SLC2A7: variants seen among roughly 807,000 people sequenced by gnomAD.
SLC2A7 encodes solute carrier family 2, facilitated glucose transporter member 7.
SLC2A7 carries 50 observed loss-of-function variants against 50.5 expected under a neutral mutation model. The ratio of observed to expected loss-of-function variants is 0.99; its 90% CI spans 0.79 to 1.25. The LOEUF (loss-of-function observed/expected upper bound fraction) is 1.25. Among genes scored for constraint, SLC2A7 ranks in the 50% most tolerant of loss-of-function variants. The pLI is 0.00. For synonymous variants in SLC2A7, 308 were observed against 300.4 expected, an observed-to-expected ratio of 1.03 and a Z score of -0.26; for missense variants, 683 against 679.1, an observed-to-expected ratio of 1.01 and a Z score of -0.06.
chr1:9,001,038 T>A (rs1557644236), downstream of SLC2A7, among the ~76,000 whole-genome samples: 1 of 152,010 alleles, frequency 6.6e-6, no homozygotes, highest in Non-Finnish European at 1.5e-5. Flanking sequence ...TAGCTGTCAT[T>A]GTTTTAAGCC....
the SLC2A7 span, among the ~76,000 whole-genome samples, chr1:8,993,859 T>C: frequency 6.6e-6 from 1 of 152,108 alleles, no homozygotes; most frequent in Non-Finnish European, 1.5e-5. Context: ...AATCTTCTGA[T>C]CTTGTGATCC....
chr1:9,021,051 C>T (rs888153716), intron 3 of SLC2A7, among the ~76,000 whole-genome samples: 4 of 152,174 alleles, frequency 2.6e-5, no homozygotes, highest in Non-Finnish European at 5.9e-5. Context: ...TGCCTAGTCT[C>T]GGGTATGTCT....
chr1:8,994,032 T>G, the SLC2A7 span, among the ~76,000 whole-genome samples: 1 of 152,266 alleles, frequency 6.6e-6, no homozygotes, highest in African/African-American at 2.4e-5. Flanking sequence ...TAATAGATAC[T>G]GAATTTTCAA....
chr1:9,023,556 G>A (rs12728381), intron 2 of SLC2A7, among the ~76,000 whole-genome samples: 11 of 151,888 alleles, frequency 7.2e-5, no homozygotes, highest in Non-Finnish European at 1.2e-4. Flanking sequence ...GCAGTGAGCC[G>A]AGATTGCGGC....
the SLC2A7 span, among the ~76,000 whole-genome samples, chr1:8,993,794 CT>C: frequency 2.0e-5 from 3 of 151,238 alleles, no homozygotes; most frequent in Admixed American, 6.6e-5. Flanking sequence ...TGCCCGGCTA[CT>C]TTTTTTTTAT....
Position 9,010,191 on chromosome 1 carries a change from G to T in SLC2A7, c.1068C>A (p.Gly356=). ...GCACCAGGCAGGCAGAGCCGCAGAT[G>T]CCGTAGCCGGCCAGCAGGAGGTGCC... The part of the protein sequence containing the change: ...GRRHLLLAGY[G]ICGSACLVLT... Residue 356 remains glycine, a synonymous_variant, in exon 9 of 12, where the codon GGC becomes GGA. Transcript: ENST00000400906. 6.4e-7 allele frequency: 1 copy of T among 1,550,874 alleles called. No homozygotes were observed. Among genetic ancestry groups the T allele is most frequent in the Non-Finnish European group, 8.7e-7 (1 of 1,146,588 alleles).
At chr1:9,015,652 A>C (rs908275975) in intron 5 of SLC2A7, among the ~76,000 whole-genome samples, 1 of 151,354 alleles carries the variant, frequency 6.6e-6, no homozygotes. Context: ...AGGGGAACTG[A>C]GATTCCACTA....
At chr1:8,994,290 G>A in the SLC2A7 span, among the ~76,000 whole-genome samples, 4 of 152,216 alleles carry the variant, frequency 2.6e-5, no homozygotes, top group East Asian at 3.9e-4. Context: ...GTGGAGTCAC[G>A]TCTTTGGAGC....
intron 2 of SLC2A7, among the ~76,000 whole-genome samples, chr1:9,024,367 G>T (rs905408517): frequency 1.3e-5 from 2 of 152,102 alleles, no homozygotes; most frequent in Non-Finnish European, 2.9e-5. Flanking sequence ...GTATATATAC[G>T]TAATACACAA....
At chr1:9,003,828 AG>A (rs1339416892) in intron 11 of SLC2A7, among the ~76,000 whole-genome samples, 4 of 152,204 alleles carry the variant, frequency 2.6e-5, no homozygotes, top group African/African-American at 9.6e-5. Flanking sequence ...ACTGCACTCC[AG>A]CCTGGGCAAC....
downstream of SLC2A7, among the ~76,000 whole-genome samples, chr1:9,001,590 G>T (rs944349255): frequency 6.6e-6 from 1 of 151,904 alleles, no homozygotes; most frequent in Non-Finnish European, 1.5e-5. Flanking sequence ...GCCAATTTTT[G>T]TATTTTCAGT....
At chr1:8,996,676 A>G in the SLC2A7 span, among the ~76,000 whole-genome samples, 2 of 152,198 alleles carry the variant, frequency 1.3e-5, no homozygotes, top group Admixed American at 1.3e-4. Flanking sequence ...CCTCATCTTT[A>G]TCAAAACTTG....
At chr1:9,014,064 G>A (rs1357217343) in intron 7 of SLC2A7, among the ~76,000 whole-genome samples, 1 of 152,196 alleles carries the variant, frequency 6.6e-6, no homozygotes, top group Non-Finnish European at 1.5e-5. Context: ...GAAAGGCCAC[G>A]TGTGCTATTC....
chr1:9,005,404 T>G (rs1438419070), intron 10 of SLC2A7, among the ~76,000 whole-genome samples: 1 of 152,234 alleles, frequency 6.6e-6, no homozygotes, highest in East Asian at 1.9e-4. Context: ...TAAAGCCATT[T>G]TTGTTCCCTA....
At chr1:9,025,123 G>A (rs1640977539) in intron 1 of SLC2A7, 49 bp from the exon 2 acceptor site, 14 of 1,581,988 alleles carry the variant, frequency 8.8e-6, no homozygotes, top group Non-Finnish European at 1.0e-5. Flanking sequence ...TGGGCCTCGG[G>A]AAGTGGAGTG....
At chr1:9,023,411 C>T (rs888831676) in intron 2 of SLC2A7, among the ~76,000 whole-genome samples, 1 of 152,114 alleles carries the variant, frequency 6.6e-6, no homozygotes, top group Non-Finnish European at 1.5e-5. Context: ...ATCGAGACCA[C>T]CCTGGCTAAC....
rs555304270 is a variant in SLC2A7, at chr1:9,006,981, A to T, written c.1192+329T>A. Among the ~76,000 whole-genome samples the T allele has an allele frequency of 4.6e-5, 7 of 152,272 alleles. No individual in the cohort carries two copies. In the South Asian group the frequency reaches 6.2e-4, roughly 14 times the overall value. ...TCAAGTGAGTGTCTGGAGGGTGTGG[A>T]TGTAAACCAAGGTGCCCCAGGGGTG... On this transcript the variant is annotated intron_variant, in intron 10 of 11. Coordinates refer to ENST00000400906, the MANE Select transcript of SLC2A7 (RefSeq NM_207420.3).
intron 9 of SLC2A7, among the ~76,000 whole-genome samples, chr1:9,009,623 A>G (rs1380952031): frequency 6.6e-6 from 1 of 152,060 alleles, no homozygotes; most frequent in African/African-American, 2.4e-5. Flanking sequence ...CACCCAGAAA[A>G]CGTTTTGTAT....
At position 9,007,370 on chromosome 1, in the gene SLC2A7, G is replaced by A. The variant is rs977247885; in HGVS notation, c.1132C>T (p.Leu378=). 1 of 1,614,094 alleles carries A rather than the reference G, an allele frequency of 6.2e-7. No homozygotes were observed. The highest frequency in any genetic ancestry group is 1.3e-5 in the African/African-American group (1 of 74,940). ...ACACAGATGATGCCGAGGTAGGACA[G>A]CTCGGGGACCCTGTTCTGTGGGGAG... ...VLLFQNRVPE[L]SYLGIICVFA... The change falls in exon 10 of 12, where the codon CTG becomes TTG. Residue 378 remains leucine (L), a synonymous_variant. Coordinates refer to ENST00000400906, the MANE Select transcript of SLC2A7 (RefSeq NM_207420.3).
Sources: allele counts gnomAD v4.1 joint callset (sites outside exome capture counted in the v4.1 genomes callset), GRCh38; gene constraint gnomAD v4.1.1; transcripts MANE v1.5; gene names NCBI Gene and HGNC (gene_info 2026-07-23, HGNC 2026-07-21).